Variants in TAB2 observed in about 807,000 individuals in gnomAD.
TAB2 encodes TGF-beta-activated kinase 1 and MAP3K7-binding protein 2.
TAB2 carries 3 observed loss-of-function variants against 65.0 expected under a neutral mutation model. The observed-to-expected ratio is 0.05, with a 90% CI of 0.02 to 0.12. The LOEUF (loss-of-function observed/expected upper bound fraction) is 0.12, where lower values mean the gene tolerates loss of function less well. Ranked by LOEUF, TAB2 falls within the 10% of genes least tolerant of loss-of-function variation. The pLI is 1.00. For synonymous variants in TAB2, 298 were observed against 285.1 expected (o/e 1.05, Z -0.46); for missense variants, 623 against 840.3 (o/e 0.74, Z 3.20).
intron 6 of TAB2, among the ~76,000 whole-genome samples, chr6:149,405,906 G>T (rs1289314404): frequency 1.3e-5 from 2 of 152,248 alleles, no homozygotes; most frequent in Non-Finnish European, 2.9e-5. Flanking sequence ...TCACCACGGT[G>T]GGGGGTGGGG....
chr6:149,393,599 A>G (rs1263157379), intron 3 of TAB2, among the ~76,000 whole-genome samples: 2 of 152,144 alleles, frequency 1.3e-5, no homozygotes, highest in Admixed American at 6.5e-5. Flanking sequence ...GTATCTCTCA[A>G]ACTCTATGAT....
chr6:149,320,396 G>C (rs2114725839), intron 1 of TAB2, among the ~76,000 whole-genome samples: 1 of 152,274 alleles, frequency 6.6e-6, no homozygotes, highest in Non-Finnish European at 1.5e-5. Flanking sequence ...TCCCCACTTA[G>C]GTCAGTATTG....
chr6:149,354,347 C>G (rs969675982), intron 1 of TAB2, among the ~76,000 whole-genome samples: 2 of 152,056 alleles, frequency 1.3e-5, no homozygotes, highest in African/African-American at 4.8e-5. Context: ...TTAGGTAGAT[C>G]GTGTCACAAA....
In TAB2 at chr6:149,348,282, A is replaced by G. The variant is rs370189567; in HGVS notation, c.-89-21627A>G. 2.5e-4 allele frequency among the ~76,000 whole-genome samples: 38 copies of G among 152,174 alleles called. 1 individual carries two copies. In the East Asian group the frequency reaches 3.9e-3, roughly 15 times the overall value. Reference sequence around the variant, plus strand: ...TGCGCACCGGTAGTCCCTGCTACTAAGGAAGCTGGGGAGGGAAGATCCTTT... The same window carrying G: ...TGCGCACCGGTAGTCCCTGCTACTAGGGAAGCTGGGGAGGGAAGATCCTTT... On this transcript the variant is annotated intron_variant, in intron 1 of 6. Coordinates refer to ENST00000637181, the MANE Select transcript of TAB2 (RefSeq NM_001292034.3).
chr6:149,324,663 AG>A, intron 1 of TAB2, among the ~76,000 whole-genome samples: 1 of 152,258 alleles, frequency 6.6e-6, no homozygotes, highest in East Asian at 1.9e-4. Flanking sequence ...TTGCTAATGC[AG>A]ATGAAAACTT....
chr6:149,289,890 G>T (rs1778745533), intron 1 of TAB2, among the ~76,000 whole-genome samples: 1 of 152,262 alleles, frequency 6.6e-6, no homozygotes, highest in East Asian at 1.9e-4. Flanking sequence ...AACATGTGGG[G>T]TGTGGGCGTG....
At chr6:149,300,371 G>C (rs1238187652) in intron 1 of TAB2, among the ~76,000 whole-genome samples, 1 of 152,140 alleles carries the variant, frequency 6.6e-6, no homozygotes, top group Non-Finnish European at 1.5e-5. Flanking sequence ...AGATAATTTT[G>C]GTTATAGAGC....
intron 1 of TAB2, among the ~76,000 whole-genome samples, chr6:149,255,860 G>A (rs999615455): frequency 6.6e-6 from 1 of 152,178 alleles, no homozygotes; most frequent in African/African-American, 2.4e-5. Flanking sequence ...AGAGAAAGAA[G>A]AACCAGGCAG....
intron 1 of TAB2, among the ~76,000 whole-genome samples, chr6:149,366,554 C>CT (rs1781046006): frequency 6.6e-6 from 1 of 152,058 alleles, no homozygotes; most frequent in Non-Finnish European, 1.5e-5. Flanking sequence ...GACCTGCTCT[C>CT]TGAGTAAAAG....
At chr6:149,402,352 CA>C (rs1250280902) in intron 6 of TAB2, among the ~76,000 whole-genome samples, 2 of 150,500 alleles carry the variant, frequency 1.3e-5, no homozygotes, top group South Asian at 2.1e-4. Flanking sequence ...AAAAAATATC[CA>C]AAAAAAATTG....
intron 6 of TAB2, among the ~76,000 whole-genome samples, chr6:149,403,337 T>TAC (rs1180437574): frequency 5.8e-5 from 3 of 51,498 alleles, no homozygotes; most frequent in South Asian, 6.2e-4. Flanking sequence ...TATACATATA[T>TAC]ATACACACAC....
chr6:149,271,446 G>A (rs891770005), intron 1 of TAB2, among the ~76,000 whole-genome samples: 1 of 152,134 alleles, frequency 6.6e-6, no homozygotes, highest in Admixed American at 6.5e-5. Context: ...TTACCCTCGG[G>A]CCTATTGTTC....
chr6:149,226,489 A>G (rs1347121068), intron 1 of TAB2, among the ~76,000 whole-genome samples: 1 of 152,192 alleles, frequency 6.6e-6, no homozygotes, highest in African/African-American at 2.4e-5. Flanking sequence ...ATGCTCACAC[A>G]CCCTGATGTG....
chr6:149,253,970 G>GAA (rs1410153684), intron 1 of TAB2, among the ~76,000 whole-genome samples: 4,435 of 99,744 alleles, frequency 0.044, 63 homozygotes, highest in East Asian at 0.058. Context: ...AAGAAAGAAA[G>GAA]AAAGAAAGAA....
At chr6:149,292,431 T>C (rs1035143066) in intron 1 of TAB2, among the ~76,000 whole-genome samples, 3 of 152,228 alleles carry the variant, frequency 2.0e-5, no homozygotes, top group African/African-American at 7.2e-5. Context: ...ACAGATTGGC[T>C]GTAAAGTAAC....
intron 1 of TAB2, among the ~76,000 whole-genome samples, chr6:149,241,249 A>G (rs1777592014): frequency 6.6e-6 from 1 of 152,192 alleles, no homozygotes; most frequent in African/African-American, 2.4e-5. Flanking sequence ...GGGCAGCCTG[A>G]GCAGACTAAA....
rs771753289 is a variant in TAB2 at position 149,370,091 on chromosome 6, A to G, written c.94A>G (p.Met32Val). ...ACCTGAAGTTGTTGTATCCAGGTGC[A>G]TGTTACAGGTCAGTGTTCAATGATT... is the stretch of plus-strand genomic sequence containing the variant. The part of the protein sequence containing the change: ...EVPEVVVSRC[M>V]LQNNNNLDAC... The change falls in exon 2 of 7, where the codon ATG becomes GTG. Residue 32 changes from methionine (M) to valine (V), a missense_variant. Transcript: ENST00000637181. 3.1e-6 allele frequency: 5 copies of G among 1,613,410 alleles called. No individual in the cohort carries two copies. Among genetic ancestry groups the G allele is most frequent in the South Asian group, 2.2e-5 (2 of 91,070 alleles).
chr6:149,384,566 T>C (rs141605549), intron 3 of TAB2, among the ~76,000 whole-genome samples: 1 of 152,184 alleles, frequency 6.6e-6, no homozygotes, highest in Non-Finnish European at 1.5e-5. Flanking sequence ...TTTATAGATA[T>C]GAAGAAAATT....
chr6:149,325,181 T>C (rs978514290), intron 1 of TAB2, among the ~76,000 whole-genome samples: 2 of 152,202 alleles, frequency 1.3e-5, no homozygotes, highest in Non-Finnish European at 2.9e-5. Context: ...ACCTGAGTTC[T>C]GTTGCTGACT....
Sources: gnomAD v4.1 joint callset for allele counts (sites outside exome capture counted in the v4.1 genomes callset) on GRCh38, gnomAD v4.1.1 for gene constraint, MANE v1.5 for transcripts, NCBI Gene and HGNC (gene_info 2026-07-23, HGNC 2026-07-21) for gene names.